The following SND1 variants were observed in gnomAD, a reference collection of about 807,000 sequenced individuals.
SND1 encodes the protein staphylococcal nuclease domain-containing protein 1.
Under a neutral mutation model 121.7 loss-of-function variants are expected in SND1, and 38 were observed. That is an observed-to-expected ratio of 0.31 (90% CI 0.24 to 0.41). The LOEUF is 0.41. SND1 is among the 10% of genes least tolerant of loss of function. The probability of loss-of-function intolerance (pLI) is 1.00; values close to 1 mark genes in which losing one functional copy is unlikely to be tolerated. For synonymous variants in SND1, 401 were observed against 447.4 expected (o/e 0.90, Z 1.31); for missense variants, 868 against 1,184.6 (o/e 0.73, Z 3.92).
intron 10 of SND1, among the ~76,000 whole-genome samples, chr7:127,799,707 G>A (rs1266558271): frequency 1.3e-5 from 2 of 152,292 alleles, no homozygotes; most frequent in East Asian, 1.9e-4. Flanking sequence ...AATGTATTGC[G>A]TTGCTGTGAA....
At chr7:127,673,586 A>G (rs1202680622) in intron 1 of SND1, among the ~76,000 whole-genome samples, 1 of 152,220 alleles carries the variant, frequency 6.6e-6, no homozygotes, top group Non-Finnish European at 1.5e-5. Flanking sequence ...TCCTGGGATT[A>G]CAGGCGTGAG....
At chr7:127,680,612 A>G (rs902557001) in intron 1 of SND1, among the ~76,000 whole-genome samples, 5 of 151,866 alleles carry the variant, frequency 3.3e-5, no homozygotes, top group African/African-American at 9.7e-5. Context: ...CGGCGGTCAG[A>G]GTTTAAGGTT....
intron 16 of SND1, chr7:128,000,078 A>T (rs1054081891): frequency 3.3e-4 from 8 of 24,172 alleles, no homozygotes; most frequent in African/African-American, 7.0e-4. Flanking sequence ...AGTGTTCTCT[A>T]AAAAAAAAAA....
At chr7:128,067,296 CCTT>C (rs1411705966) in intron 16 of SND1, among the ~76,000 whole-genome samples, 1 of 152,190 alleles carries the variant, frequency 6.6e-6, no homozygotes, top group African/African-American at 2.4e-5. Flanking sequence ...CTCCTCAGCT[CCTT>C]CTTCCCATCC....
chr7:127,953,744 T>C (rs1367565752), intron 15 of SND1, among the ~76,000 whole-genome samples: 1 of 152,236 alleles, frequency 6.6e-6, no homozygotes, highest in African/African-American at 2.4e-5. Context: ...GATTTGAAGG[T>C]ATTGGAAAAC....
chr7:127,757,454 G>T (rs1797218129), intron 10 of SND1, among the ~76,000 whole-genome samples: 1 of 152,120 alleles, frequency 6.6e-6, no homozygotes, highest in Admixed American at 6.5e-5. Flanking sequence ...ATATTGTTGG[G>T]TCATCCAGTA....
Position 128,085,633 on chromosome 7 carries a change from GC to G in SND1, c.2235-74del. The G allele has an allele frequency of 4.7e-6, 6 of 1,281,966 alleles. No homozygotes were observed. The highest frequency in any genetic ancestry group is 6.8e-6 in the Non-Finnish European group (6 of 882,802). The allele number at this position is 1,281,966 out of a possible 1,614,324, so 79.4% of individuals were successfully genotyped here. The stretch of plus-strand genomic sequence containing the variant: ...CCAGGCAGGGAAATGCTGTGCCCCT[GC>G]CCCGCCATTGCTGAGGCTCTGGGAG... On this transcript the variant is annotated intron_variant, in intron 19 of 23. Coordinates refer to ENST00000354725, the MANE Select transcript of SND1 (RefSeq NM_014390.4). The surrounding 1 kb of genome is among the most constrained non-coding windows in gnomAD (Gnocchi z 4.4).
At chr7:127,852,759 C>A (rs571718469) in intron 12 of SND1, among the ~76,000 whole-genome samples, 10 of 150,994 alleles carry the variant, frequency 6.6e-5, no homozygotes, top group Admixed American at 1.3e-4. Flanking sequence ...TGCAGTGAGC[C>A]GAGAACACGC....
intron 21 of SND1, among the ~76,000 whole-genome samples, chr7:128,088,849 G>T (rs1793728890): frequency 6.6e-6 from 1 of 151,974 alleles, no homozygotes; most frequent in Non-Finnish European, 1.5e-5. Flanking sequence ...GGAAGTGAAA[G>T]GGCACCAAGT....
At chr7:127,962,041 A>T (rs1801744081) in intron 15 of SND1, among the ~76,000 whole-genome samples, 1 of 152,200 alleles carries the variant, frequency 6.6e-6, no homozygotes, top group Non-Finnish European at 1.5e-5. Flanking sequence ...AGAGAATTTA[A>T]AGGTAGAACA....
At chr7:127,746,204 T>C (rs1225671580) in intron 10 of SND1, among the ~76,000 whole-genome samples, 1 of 152,184 alleles carries the variant, frequency 6.6e-6, no homozygotes, top group East Asian at 1.9e-4. Flanking sequence ...TTTACTTTAT[T>C]TCATAGCATA....
chr7:127,854,543 T>TATTG (rs1425121418), intron 12 of SND1, among the ~76,000 whole-genome samples: 1 of 50,498 alleles, frequency 2.0e-5, no homozygotes, highest in African/African-American at 4.8e-5. Flanking sequence ...GCATTCTATT[T>TATTG]ATTTATTTAT....
intron 15 of SND1, among the ~76,000 whole-genome samples, chr7:127,985,981 G>T (rs1280299198): frequency 2.6e-5 from 4 of 152,186 alleles, no homozygotes; most frequent in Non-Finnish European, 4.4e-5. Flanking sequence ...GTCTCTTAGT[G>T]GTGGAATAAG....
intron 15 of SND1, among the ~76,000 whole-genome samples, chr7:127,978,732 T>G (rs1237756574): frequency 6.6e-6 from 1 of 152,200 alleles, no homozygotes; most frequent in East Asian, 1.9e-4. Context: ...TTTTATGCTG[T>G]CACCTGTACT....
intron 9 of SND1, among the ~76,000 whole-genome samples, chr7:127,718,091 GC>G (rs1796421269): frequency 6.6e-6 from 1 of 152,074 alleles, no homozygotes; most frequent in Non-Finnish European, 1.5e-5. Flanking sequence ...TGGATTTAGT[GC>G]ATGTATTTGA....
At chr7:127,784,795 T>C (rs539977874) in intron 10 of SND1, among the ~76,000 whole-genome samples, 1 of 152,196 alleles carries the variant, frequency 6.6e-6, no homozygotes, top group Non-Finnish European at 1.5e-5. Flanking sequence ...TATTGAAATA[T>C]AGAATATTTT....
At chr7:128,043,979 T>C (rs1001504081) in intron 16 of SND1, among the ~76,000 whole-genome samples, 18 of 152,136 alleles carry the variant, frequency 1.2e-4, no homozygotes, top group Non-Finnish European at 1.3e-4. Context: ...TAGAAGCCTT[T>C]AGAAGAGGAA....
intron 20 of SND1, chr7:128,086,360 CT>C (rs1256808963): frequency 1.1e-5 from 2 of 175,382 alleles, no homozygotes; most frequent in African/African-American, 4.8e-5. Context: ...CACTGCTTGT[CT>C]GCGTACCTCC....
chr7:127,930,220 C>T (rs1800933413), intron 15 of SND1, among the ~76,000 whole-genome samples: 1 of 151,426 alleles, frequency 6.6e-6, no homozygotes, highest in African/African-American at 2.4e-5. Flanking sequence ...TGCACATGGT[C>T]CCCACCTTGC....
Sources: gnomAD v4.1 joint callset for allele counts (sites outside exome capture counted in the v4.1 genomes callset) on GRCh38, gnomAD v4.1.1 for gene constraint, Gnocchi (gnomAD v3.1) non-coding constraint, MANE v1.5 for transcripts, NCBI Gene and HGNC (gene_info 2026-07-23, HGNC 2026-07-21) for gene names.